SAMD5: variants seen among roughly 807,000 people sequenced by gnomAD.
SAMD5 encodes sterile alpha motif domain containing 5.
Under a neutral mutation model 11.3 loss-of-function variants are expected in SAMD5, and 13 were observed. The observed-to-expected ratio is 1.15, with a 90% CI of 0.75 to 1.83. The LOEUF (loss-of-function observed/expected upper bound fraction) is 1.83. SAMD5 is among the 40% of genes most tolerant of loss of function. The probability of loss-of-function intolerance (pLI) is 0.00; values close to 1 mark genes in which losing one functional copy is unlikely to be tolerated. For missense variants in SAMD5, 255 were observed against 239.1 expected (o/e 1.07, Z -0.44); for synonymous variants, 129 against 111.3 (o/e 1.16, Z -1.00).
At chr6:147,599,443 C>T (rs180794067) in intron 1 of SAMD5, among the ~76,000 whole-genome samples, 1 of 152,092 alleles carries the variant, frequency 6.6e-6, no homozygotes, top group African/African-American at 2.4e-5. Flanking sequence ...TATTAAAGTA[C>T]AAATTCTAAT....
At chr6:147,549,071 C>T (rs547973707) in intron 1 of SAMD5, among the ~76,000 whole-genome samples, 1 of 152,138 alleles carries the variant, frequency 6.6e-6, no homozygotes, top group Non-Finnish European at 1.5e-5. Flanking sequence ...GGCACAGAAC[C>T]ATAGCTGACC....
intron 1 of SAMD5, among the ~76,000 whole-genome samples, chr6:147,600,065 G>C (rs1349988183): frequency 1.3e-5 from 2 of 152,118 alleles, no homozygotes; most frequent in Non-Finnish European, 2.9e-5. Context: ...ATTCTGGTTT[G>C]GGAGTGAGGG....
the SAMD5 span, among the ~76,000 whole-genome samples, chr6:147,823,726 A>G: frequency 6.6e-6 from 1 of 152,340 alleles, no homozygotes; most frequent in Middle Eastern, 3.4e-3. Context: ...CTAAATCTAA[A>G]TGCTATTTTA....
intron 1 of SAMD5, among the ~76,000 whole-genome samples, chr6:147,667,429 G>A (rs1222994992): frequency 6.6e-6 from 1 of 152,126 alleles, no homozygotes; most frequent in African/African-American, 2.4e-5. Context: ...ATATAATGAG[G>A]AAGACTTAAT....
chr6:147,625,528 A>G (rs1434682496), intron 1 of SAMD5, among the ~76,000 whole-genome samples: 1 of 152,208 alleles, frequency 6.6e-6, no homozygotes, highest in African/African-American at 2.4e-5. Context: ...AATTCTTTTG[A>G]GAAAATAAAA....
chr6:147,553,956 CAT>C (rs1269203850), intron 1 of SAMD5, among the ~76,000 whole-genome samples: 2 of 152,218 alleles, frequency 1.3e-5, no homozygotes, highest in Non-Finnish European at 2.9e-5. Context: ...TGCCACTAAA[CAT>C]GTGTGTTAGT....
the SAMD5 span, among the ~76,000 whole-genome samples, chr6:147,754,918 A>G: frequency 1.5e-3 from 224 of 152,134 alleles, 4 homozygotes; most frequent in Non-Finnish European, 7.8e-4. Context: ...CCATTGGTCT[A>G]TGTGTCTATT....
intron 1 of SAMD5, among the ~76,000 whole-genome samples, chr6:147,584,751 C>A (rs755884063): frequency 1.3e-5 from 2 of 152,070 alleles, no homozygotes; most frequent in African/African-American, 2.4e-5. Flanking sequence ...TATGTATTGT[C>A]CTTTAGAGAG....
the SAMD5 span, among the ~76,000 whole-genome samples, chr6:147,899,903 T>C: frequency 3.3e-5 from 5 of 152,032 alleles, no homozygotes; most frequent in African/African-American, 9.7e-5. Context: ...CTGGTAGAAG[T>C]TTTGGATGAG....
intron 1 of SAMD5, among the ~76,000 whole-genome samples, chr6:147,661,765 G>C (rs1428056715): frequency 6.6e-6 from 1 of 152,184 alleles, no homozygotes; most frequent in Non-Finnish European, 1.5e-5. Flanking sequence ...GAGTAGCTGA[G>C]ATTACAGGCG....
chr6:147,948,388 G>A, the SAMD5 span, among the ~76,000 whole-genome samples: 2 of 151,358 alleles, frequency 1.3e-5, no homozygotes, highest in Non-Finnish European at 2.9e-5. Context: ...CCACTTTTTT[G>A]AGCTGACACA....
At chr6:147,950,270 C>T in the SAMD5 span, among the ~76,000 whole-genome samples, 2 of 152,306 alleles carry the variant, frequency 1.3e-5, no homozygotes, top group South Asian at 4.1e-4. Context: ...TTTAAACCAT[C>T]TTCTGTCATC....
intron 1 of SAMD5, among the ~76,000 whole-genome samples, chr6:147,680,604 G>A (rs949944845): frequency 1.1e-4 from 16 of 152,046 alleles, no homozygotes; most frequent in South Asian, 4.1e-4. Flanking sequence ...TAGGTGGAAC[G>A]CATTCACTCT....
intron 1 of SAMD5, among the ~76,000 whole-genome samples, chr6:147,595,504 T>G (rs1583099753): frequency 6.6e-6 from 1 of 151,566 alleles, no homozygotes; most frequent in East Asian, 1.9e-4. Context: ...ACTCCGTTTT[T>G]AGTAGTGACT....
At chr6:147,843,078 G>T in the SAMD5 span, among the ~76,000 whole-genome samples, 6 of 152,100 alleles carry the variant, frequency 3.9e-5, no homozygotes. Flanking sequence ...TAGCCAGGCT[G>T]GTCTTGAACT....
chr6:147,549,687 G>C (rs567279174), intron 1 of SAMD5, among the ~76,000 whole-genome samples: 10 of 151,754 alleles, frequency 6.6e-5, no homozygotes, highest in Admixed American at 5.9e-4. Flanking sequence ...ATCTACATAT[G>C]AGCCTTTGCC....
chr6:147,525,029 G>T (rs1380528000), intron 1 of SAMD5, among the ~76,000 whole-genome samples: 1 of 151,904 alleles, frequency 6.6e-6, no homozygotes, highest in Non-Finnish European at 1.5e-5. Context: ...GAGCCCGTGG[G>T]TCTCATCACT....
chr6:147,910,780 C>T, the SAMD5 span, among the ~76,000 whole-genome samples: 2 of 152,236 alleles, frequency 1.3e-5, no homozygotes, highest in African/African-American at 4.8e-5. Flanking sequence ...TACAACAAAT[C>T]GCATATAATT....
the SAMD5 span, among the ~76,000 whole-genome samples, chr6:147,932,868 T>C: frequency 6.6e-6 from 1 of 152,180 alleles, no homozygotes; most frequent in Non-Finnish European, 1.5e-5. Flanking sequence ...TGTGCTTTTC[T>C]TGAACTTCGG....
Sources: gnomAD v4.1 joint callset for allele counts (sites outside exome capture counted in the v4.1 genomes callset) on GRCh38, gnomAD v4.1.1 for gene constraint, MANE v1.5 for transcripts, NCBI Gene and HGNC (gene_info 2026-07-23, HGNC 2026-07-21) for gene names.